HCN1: variants seen among roughly 807,000 people sequenced by gnomAD.
HCN1 encodes the protein hyperpolarization activated cyclic nucleotide gated potassium channel 1, also known as potassium/sodium hyperpolarization-activated cyclic nucleotide-gated channel 1.
HCN1 carries 13 observed loss-of-function variants against 78.9 expected under a neutral mutation model. The ratio of observed to expected loss-of-function variants is 0.16; its 90% CI spans 0.11 to 0.26. HCN1 has a LOEUF of 0.26. Ranked by LOEUF, HCN1 falls within the 10% of genes least tolerant of loss-of-function variation. The pLI is 1.00. For missense variants in HCN1, 810 were observed against 1,154.3 expected (o/e 0.70, Z 4.32); for synonymous variants, 552 against 455.5 (o/e 1.21, Z -2.70).
chr5:45,619,850 G>A (rs1745022904), intron 2 of HCN1, among the ~76,000 whole-genome samples: 1 of 152,038 alleles, frequency 6.6e-6, no homozygotes, highest in East Asian at 1.9e-4. Context: ...GGGTGGTAGA[G>A]ATTAATTTCT....
At chr5:45,427,592 AGAT>A (rs1740377860) in intron 3 of HCN1, among the ~76,000 whole-genome samples, 1 of 152,152 alleles carries the variant, frequency 6.6e-6, no homozygotes, top group African/African-American at 2.4e-5. Context: ...ACCAAAATCT[AGAT>A]TTTTGACAAC....
intron 4 of HCN1, among the ~76,000 whole-genome samples, chr5:45,369,837 A>G (rs1747316617): frequency 6.6e-6 from 1 of 152,122 alleles, no homozygotes; most frequent in South Asian, 2.1e-4. Context: ...ATGTAATTAT[A>G]GCGCAAGCTA....
At chr5:45,690,671 AT>A (rs1213812383) in intron 1 of HCN1, among the ~76,000 whole-genome samples, 1 of 152,060 alleles carries the variant, frequency 6.6e-6, no homozygotes, top group Non-Finnish European at 1.5e-5. Flanking sequence ...AGAAAATATA[AT>A]TTTCATAGTG....
intron 4 of HCN1, 132 bp downstream of exon 4, chr5:45,396,360 G>A (rs1259214806): frequency 1.3e-6 from 1 of 751,730 alleles, no homozygotes. Context: ...AGAAGATAGT[G>A]TGTTTTTACT....
intron 2 of HCN1, among the ~76,000 whole-genome samples, chr5:45,566,402 T>C (rs1179810727): frequency 6.6e-6 from 1 of 152,212 alleles, no homozygotes; most frequent in East Asian, 1.9e-4. Flanking sequence ...CTAGATAGTT[T>C]ACTATTTCAG....
intron 2 of HCN1, among the ~76,000 whole-genome samples, chr5:45,463,047 C>T (rs535662356): frequency 1.3e-5 from 2 of 151,968 alleles, no homozygotes; most frequent in African/African-American, 2.4e-5. Context: ...CTTATAAACA[C>T]AATAACTTCA....
intron 2 of HCN1, among the ~76,000 whole-genome samples, chr5:45,577,030 T>A (rs1347276856): frequency 1.3e-5 from 2 of 152,114 alleles, no homozygotes; most frequent in Non-Finnish European, 2.9e-5. Flanking sequence ...TCACCAAGTT[T>A]ATATTCTCTA....
At chr5:45,373,187 T>C (rs1480455265) in intron 4 of HCN1, among the ~76,000 whole-genome samples, 1 of 122,728 alleles carries the variant, frequency 8.1e-6, no homozygotes, top group African/African-American at 3.2e-5. Context: ...ATATGAAATA[T>C]ATGTATTTTA....
intron 4 of HCN1, among the ~76,000 whole-genome samples, chr5:45,394,519 T>TA (rs1181076823): frequency 2.6e-5 from 4 of 152,308 alleles, no homozygotes; most frequent in African/African-American, 9.6e-5. Context: ...ATACTTTTCA[T>TA]AAAAAGTAAA....
chr5:45,369,867 T>C (rs1747317428), intron 4 of HCN1, among the ~76,000 whole-genome samples: 1 of 152,020 alleles, frequency 6.6e-6, no homozygotes, highest in African/African-American at 2.4e-5. Flanking sequence ...ACCTAAGAGA[T>C]AAGAGAACCT....
chr5:45,547,499 ACC>A (rs1743254394), intron 2 of HCN1, among the ~76,000 whole-genome samples: 1 of 151,868 alleles, frequency 6.6e-6, no homozygotes, highest in Admixed American at 6.6e-5. Flanking sequence ...ATTAGCAGTC[ACC>A]CTACTCATTT....
chr5:45,373,972 C>T (rs1273004905), intron 4 of HCN1, among the ~76,000 whole-genome samples: 2 of 73,264 alleles, frequency 2.7e-5, no homozygotes, highest in African/African-American at 5.3e-5. Context: ...ATATTACATA[C>T]AGTAGATACA....
rs1227951044 is a variant in HCN1, at chr5:45,261,646, C to T, written c.*275G>A. Reference sequence around the variant, plus strand: ...TAAAAGTAGGTTAGAAATAAATAATCTTACAACGACATTTTAAATCCTTTA... The same window carrying T: ...TAAAAGTAGGTTAGAAATAAATAATTTTACAACGACATTTTAAATCCTTTA... On this transcript the variant is annotated 3_prime_UTR_variant, in exon 8 of 8. Coordinates refer to ENST00000303230, the MANE Select transcript of HCN1 (RefSeq NM_021072.4). The T allele has an allele frequency of 1.2e-5, 3 of 252,644 alleles. No homozygotes were observed. The highest frequency in any genetic ancestry group is 7.2e-5 in the South Asian group (1 of 13,832). 15.7% of individuals were successfully genotyped at this position (252,644 alleles called of 1,614,324 possible).
At chr5:45,393,439 G>A (rs1022232616) in intron 4 of HCN1, among the ~76,000 whole-genome samples, 4 of 152,124 alleles carry the variant, frequency 2.6e-5, no homozygotes, top group African/African-American at 9.7e-5. Context: ...ATTTCATGAA[G>A]GCTAGATGAA....
chr5:45,284,907 G>A (rs893225465), intron 6 of HCN1, among the ~76,000 whole-genome samples: 1 of 151,992 alleles, frequency 6.6e-6, no homozygotes, highest in Admixed American at 6.6e-5. Flanking sequence ...AGAGAGATGG[G>A]TCTATTTAAA....
intron 5 of HCN1, among the ~76,000 whole-genome samples, chr5:45,329,420 G>T (rs1746302710): frequency 6.6e-6 from 1 of 151,384 alleles, no homozygotes; most frequent in Non-Finnish European, 1.5e-5. Flanking sequence ...AGAAAGAGTG[G>T]TGGTGTAGGG....
intron 3 of HCN1, among the ~76,000 whole-genome samples, chr5:45,398,362 CAT>C (rs1356080008): frequency 5.3e-5 from 8 of 152,066 alleles, no homozygotes; most frequent in Non-Finnish European, 1.0e-4. Context: ...AGAATAGTTT[CAT>C]AGTCAGGAAA....
Position 45,461,715 on chromosome 5 carries a change from A to G in HCN1, c.1011+131T>C, listed in dbSNP as rs182064679. On this transcript the variant is annotated intron_variant, in intron 3 of 7. Transcript: ENST00000303230. ...CCACAAACATAACATCTGATTTTAT[A>G]TTCATAGAAGCAAAATCAAGTTGTC... 83 of 847,888 alleles carry G rather than the reference A, an allele frequency of 9.8e-5. No homozygotes were observed. The African/African-American group carries it at 1.3e-3, about 13-fold the overall frequency. 52.5% of individuals were successfully genotyped at this position (847,888 alleles called of 1,614,324 possible).
At chr5:45,651,655 C>T (rs890527037) in intron 1 of HCN1, among the ~76,000 whole-genome samples, 4 of 151,830 alleles carry the variant, frequency 2.6e-5, no homozygotes, top group South Asian at 2.1e-4. Context: ...CATAAGGTGC[C>T]TTCTCTTAAA....
Sources: allele counts gnomAD v4.1 joint callset (sites outside exome capture counted in the v4.1 genomes callset), GRCh38; gene constraint gnomAD v4.1.1; transcripts MANE v1.5; gene names NCBI Gene and HGNC (gene_info 2026-07-23, HGNC 2026-07-21).